Variants in HIBCH observed in about 807,000 individuals in gnomAD.
HIBCH encodes the protein 3-hydroxyisobutyryl-CoA hydrolase, mitochondrial.
In HIBCH, 50 loss-of-function variants were observed where a neutral mutation model predicts 58.2. The observed-to-expected ratio is 0.86, with a 90% CI of 0.68 to 1.09. The LOEUF is 1.09. Among genes scored for constraint, HIBCH ranks in the 50% least tolerant of loss-of-function variants. The pLI is 0.00. For missense variants in HIBCH, 450 were observed against 449.7 expected (o/e 1.00, Z -0.01); for synonymous variants, 151 against 146.9 (o/e 1.03, Z -0.20).
At chr2:190,258,563 G>A (rs1188090951) in intron 7 of HIBCH, among the ~76,000 whole-genome samples, 1 of 152,184 alleles carries the variant, frequency 6.6e-6, no homozygotes, top group East Asian at 1.9e-4. Context: ...CACAGACCTT[G>A]GGAGCCACCC....
chr2:190,282,835 G>A (rs1374894305), intron 6 of HIBCH, among the ~76,000 whole-genome samples: 25 of 99,556 alleles, frequency 2.5e-4, no homozygotes, highest in Non-Finnish European at 4.4e-4. Flanking sequence ...TAGTTGTTAC[G>A]AGAAGGCCAA....
intron 6 of HIBCH, among the ~76,000 whole-genome samples, chr2:190,284,977 T>C (rs1687794615): frequency 6.6e-6 from 1 of 152,194 alleles, no homozygotes; most frequent in Admixed American, 6.5e-5. Flanking sequence ...TTTGTTGGGT[T>C]CCCAGTAACT....
At chr2:190,230,514 G>A (rs1027759744) in intron 11 of HIBCH, among the ~76,000 whole-genome samples, 10 of 152,184 alleles carry the variant, frequency 6.6e-5, no homozygotes, top group African/African-American at 2.4e-4. Flanking sequence ...GGCCAATAAG[G>A]TGAAACCCCG....
At chr2:190,203,665 T>C (rs1290293086), downstream of HIBCH, among the ~76,000 whole-genome samples, 1 of 152,144 alleles carries the variant, frequency 6.6e-6, no homozygotes, top group Non-Finnish European at 1.5e-5. Context: ...AGAGTATAAA[T>C]GTAAATGTAT....
chr2:190,202,279 A>G (rs988942877), downstream of HIBCH: 1 of 167,126 alleles, frequency 6.0e-6, no homozygotes, highest in East Asian at 1.9e-4. Context: ...AATAGAGTAC[A>G]ATATCTTCTG....
chr2:190,279,404 C>A lies in HIBCH; in HGVS notation c.438+8182G>T, dbSNP rs1435887545. Among the ~76,000 whole-genome samples, 1 of 152,194 alleles carries A rather than the reference C, an allele frequency of 6.6e-6. No individual in the cohort carries two copies. Among genetic ancestry groups the A allele is most frequent in the Non-Finnish European group, 1.5e-5 (1 of 68,032 alleles). On this transcript the variant is annotated intron_variant, in intron 6 of 13. Transcript: ENST00000359678. This position sits in a 1 kb window ranked among gnomAD's most constrained non-coding sequence, Gnocchi z 4.2. ...AAATACATTCACTCCAGCTCCATAT[C>A]CTCAAAGTATTGTTTCAGCACCAAC... is the stretch of plus-strand genomic sequence containing the variant.
chr2:190,319,443 G>A (rs998170665), intron 1 of HIBCH, among the ~76,000 whole-genome samples: 2 of 152,196 alleles, frequency 1.3e-5, no homozygotes, highest in East Asian at 1.9e-4. Flanking sequence ...AAGAAACTGA[G>A]GCCAAAAGAA....
intron 3 of HIBCH, among the ~76,000 whole-genome samples, chr2:190,295,900 G>C (rs1435093084): frequency 1.3e-5 from 2 of 152,158 alleles, no homozygotes; most frequent in African/African-American, 4.8e-5. Flanking sequence ...GACTGTATTA[G>C]GTACTTATAT....
intron 9 of HIBCH, among the ~76,000 whole-genome samples, chr2:190,246,905 C>G (rs558631060): frequency 3.3e-5 from 5 of 152,092 alleles, no homozygotes; most frequent in African/African-American, 1.2e-4. Context: ...CCCTTGATTG[C>G]TTTGGATATA....
intron 8 of HIBCH, among the ~76,000 whole-genome samples, chr2:190,250,993 C>CT (rs1284597824): frequency 2.6e-4 from 39 of 152,068 alleles, no homozygotes; most frequent in African/African-American, 1.2e-4. Context: ...ACATGATAGT[C>CT]TAACTGTCAG....
At chr2:190,278,479 C>T (rs1177332472) in intron 6 of HIBCH, among the ~76,000 whole-genome samples, 1 of 152,234 alleles carries the variant, frequency 6.6e-6, no homozygotes, top group African/African-American at 2.4e-5. Context: ...ACTAGGATTA[C>T]AGGCGTGAGC....
chr2:190,276,490 C>A (rs748476269), intron 6 of HIBCH, among the ~76,000 whole-genome samples: 1 of 152,184 alleles, frequency 6.6e-6, no homozygotes, highest in Non-Finnish European at 1.5e-5. Flanking sequence ...AAGGTGTGGT[C>A]ATGGGGGCAG....
intron 6 of HIBCH, among the ~76,000 whole-genome samples, chr2:190,283,656 T>C (rs1473943962): frequency 6.6e-6 from 1 of 152,176 alleles, no homozygotes; most frequent in Non-Finnish European, 1.5e-5. Flanking sequence ...GCTCAATCCA[T>C]AATATTTATG....
intron 5 of HIBCH, among the ~76,000 whole-genome samples, chr2:190,289,736 C>G (rs887750033): frequency 1.3e-5 from 2 of 151,962 alleles, no homozygotes; most frequent in African/African-American, 4.8e-5. Context: ...GCTTCACCTC[C>G]AATGAAACCT....
At chr2:190,308,229 C>T (rs932917441) in intron 2 of HIBCH, among the ~76,000 whole-genome samples, 2 of 152,184 alleles carry the variant, frequency 1.3e-5, no homozygotes, top group African/African-American at 4.8e-5. Context: ...GTCATGTCTT[C>T]CCATTCCACC....
At chr2:190,259,339 G>A (rs995194768) in intron 7 of HIBCH, among the ~76,000 whole-genome samples, 2 of 149,482 alleles carry the variant, frequency 1.3e-5, no homozygotes, top group African/African-American at 4.9e-5. Flanking sequence ...GTGTGTGTGT[G>A]TGTGTGTGTG....
chr2:190,213,417 T>C (rs142973674), intron 11 of HIBCH: 326 of 295,060 alleles, frequency 1.1e-3, no homozygotes, highest in Non-Finnish European at 1.7e-3. Context: ...TCATGGAGTA[T>C]AGAAAATAAC....
intron 7 of HIBCH, among the ~76,000 whole-genome samples, chr2:190,255,827 TGGAGAG>T (rs374997426): frequency 8.1e-5 from 12 of 147,806 alleles, no homozygotes; most frequent in African/African-American, 3.1e-4. Context: ...AGCTTAGGAA[TGGAGAG>T]AGAGAGAGAG....
intron 1 of HIBCH, among the ~76,000 whole-genome samples, chr2:190,318,008 TA>T (rs1391016872): frequency 6.6e-6 from 1 of 151,888 alleles, no homozygotes; most frequent in Non-Finnish European, 1.5e-5. Context: ...GTATTTTTAG[TA>T]GAGACGGGGT....
Sources: gnomAD v4.1 joint callset for allele counts (sites outside exome capture counted in the v4.1 genomes callset) on GRCh38, gnomAD v4.1.1 for gene constraint, Gnocchi (gnomAD v3.1) non-coding constraint, MANE v1.5 for transcripts, NCBI Gene and HGNC (gene_info 2026-07-23, HGNC 2026-07-21) for gene names.